RASGRF1: variants seen among roughly 807,000 people sequenced by gnomAD.
The protein encoded by RASGRF1 is ras-specific guanine nucleotide-releasing factor 1.
In RASGRF1, 40 loss-of-function variants were observed where a neutral mutation model predicts 138.7. The observed-to-expected ratio is 0.29, with a 90% CI of 0.22 to 0.38. The LOEUF (loss-of-function observed/expected upper bound fraction) is 0.38. RASGRF1 is among the 10% of genes least tolerant of loss of function. The pLI, the probability that RASGRF1 is intolerant of heterozygous loss-of-function variation, is 1.00. For missense variants in RASGRF1, 1,108 were observed against 1,650.4 expected, an observed-to-expected ratio of 0.67 and a Z score of 5.69; for synonymous variants, 614 against 663.2, an observed-to-expected ratio of 0.93 and a Z score of 1.14.
rs538835060 is a variant in RASGRF1 at position 78,995,923 on chromosome 15, G to A, written c.2967-123C>T. On this transcript the variant is annotated intron_variant, in intron 19 of 26. Transcript: ENST00000558480. ...TCTGTCCTCGTCATCCCCATTGCCA[G>A]GAGCACCCTTTCCCCTTCCTCCTTC... is the stretch of plus-strand genomic sequence containing the variant. 5 of 885,524 alleles carry A rather than the reference G, an allele frequency of 5.6e-6. No individual in the cohort carries two copies. In the East Asian group the frequency reaches 7.7e-5, roughly 14 times the overall value. The allele number at this position is 885,524 out of a possible 1,614,324, so 54.9% of individuals were successfully genotyped here. A position where few individuals can be genotyped will look rare whatever the true frequency, so the allele number is the denominator to read the frequency against.
At chr15:78,986,539 G>T (rs1483012874) in intron 22 of RASGRF1, among the ~76,000 whole-genome samples, 3 of 151,962 alleles carry the variant, frequency 2.0e-5, no homozygotes, top group Non-Finnish European at 4.4e-5. Flanking sequence ...TAGAGATGGG[G>T]TTTTACCATG....
At chr15:79,049,640 C>A in intron 3 of RASGRF1, 52 bp from the exon 4 acceptor site, 2 of 1,528,632 alleles carry the variant, frequency 1.3e-6, no homozygotes, top group Non-Finnish European at 1.8e-6. Context: ...CACAGAGGCC[C>A]CAGGTCTTTG....
intron 1 of RASGRF1, among the ~76,000 whole-genome samples, chr15:79,082,855 T>C (rs2057931323): frequency 6.6e-6 from 1 of 152,154 alleles, no homozygotes; most frequent in Non-Finnish European, 1.5e-5. Context: ...GGGCTCAGTG[T>C]TGGCTTGCTT....
At chr15:79,078,147 G>GTGTGTGTGTGTGTGCATGTGTC (rs149304846) in intron 1 of RASGRF1, among the ~76,000 whole-genome samples, 106 of 149,960 alleles carry the variant, frequency 7.1e-4, no homozygotes, top group South Asian at 5.3e-3. Context: ...GTGTGTGTGT[G>GTGTGTGTGTGTGTGCATGTGTC]TGTGTGCATG....
At chr15:79,044,175 C>T (rs573659182) in intron 5 of RASGRF1, among the ~76,000 whole-genome samples, 3 of 152,360 alleles carry the variant, frequency 2.0e-5, no homozygotes, top group Admixed American at 2.0e-4. Context: ...TTTCCTGCGA[C>T]AGACCTGACC....
chr15:79,072,498 A>G (rs1203885608), intron 1 of RASGRF1, among the ~76,000 whole-genome samples: 1 of 149,758 alleles, frequency 6.7e-6, no homozygotes, highest in Non-Finnish European at 1.5e-5. Flanking sequence ...GATGGTCTTG[A>G]TCTCCTGACC....
intron 3 of RASGRF1, among the ~76,000 whole-genome samples, chr15:79,054,570 G>A (rs1227224945): frequency 6.6e-6 from 1 of 152,204 alleles, no homozygotes; most frequent in African/African-American, 2.4e-5. Flanking sequence ...TGAGCAGTGT[G>A]CCATGTGCCT....
intron 5 of RASGRF1, 82 bp from the exon 6 acceptor site, chr15:79,035,292 G>T: frequency 9.0e-7 from 1 of 1,110,734 alleles, no homozygotes; most frequent in Non-Finnish European, 1.3e-6. Flanking sequence ...CCTCCTGCGT[G>T]ACTTCAGCAG....
intron 23 of RASGRF1, among the ~76,000 whole-genome samples, chr15:78,983,038 G>T (rs1440783073): frequency 2.6e-5 from 4 of 152,220 alleles, no homozygotes; most frequent in Non-Finnish European, 5.9e-5. Flanking sequence ...ACATTTAAGT[G>T]AGCAGTAAAA....
chr15:78,976,410 AT>A (rs2055871661), intron 24 of RASGRF1, among the ~76,000 whole-genome samples: 1 of 152,212 alleles, frequency 6.6e-6, no homozygotes, highest in East Asian at 1.9e-4. Flanking sequence ...TCACAAAAAA[AT>A]CTCTTAATGT....
At chr15:79,028,873 C>T (rs896210393) in intron 8 of RASGRF1, among the ~76,000 whole-genome samples, 8 of 152,216 alleles carry the variant, frequency 5.3e-5, no homozygotes, top group Non-Finnish European at 1.0e-4. Flanking sequence ...CTGCCTCTTC[C>T]GGAGCTGGAT....
At chr15:79,041,727 G>T (rs1484264456) in intron 5 of RASGRF1, among the ~76,000 whole-genome samples, 1 of 152,198 alleles carries the variant, frequency 6.6e-6, no homozygotes, top group Non-Finnish European at 1.5e-5. Context: ...AAGGCAGATA[G>T]GACTGGGCAG....
At chr15:79,081,462 C>T (rs1200403548) in intron 1 of RASGRF1, among the ~76,000 whole-genome samples, 1 of 152,230 alleles carries the variant, frequency 6.6e-6, no homozygotes, top group Non-Finnish European at 1.5e-5. Context: ...ATCGGAGCAG[C>T]CCCTTTCCCA....
In RASGRF1 at chr15:79,090,701, C is replaced by T. The variant is rs1470190351; in HGVS notation, c.-203G>A. On this transcript the variant is annotated 5_prime_UTR_variant, in exon 1 of 27. Coordinates refer to ENST00000558480, the MANE Select transcript of RASGRF1 (RefSeq NM_001145648.3). ...CCAGATATACCATTCCCCGCTGGAA[C>T]CTCTTCTCCGCTCCGCAGAGCCCCA... 5 of 694,086 alleles carry T rather than the reference C, an allele frequency of 7.2e-6. No individual in the cohort carries two copies. The highest frequency in any genetic ancestry group is 1.8e-5 in the African/African-American group (1 of 55,348). The allele number at this position is 694,086 out of a possible 1,614,324, so 43.0% of individuals were successfully genotyped here.
At chr15:79,023,923 A>G (rs2140985969) in intron 10 of RASGRF1, among the ~76,000 whole-genome samples, 1 of 152,138 alleles carries the variant, frequency 6.6e-6, no homozygotes, top group African/African-American at 2.4e-5. Context: ...ACACAGACAC[A>G]GACACACACA....
At chr15:78,989,117 A>T (rs2056219274) in intron 22 of RASGRF1, among the ~76,000 whole-genome samples, 1 of 152,124 alleles carries the variant, frequency 6.6e-6, no homozygotes, top group Non-Finnish European at 1.5e-5. Context: ...CTCCCTGTGG[A>T]TGTGAATTGT....
chr15:78,999,827 A>G lies in RASGRF1; in HGVS notation c.2662T>C (p.Ser888Pro). 6.2e-7 allele frequency: 1 copy of G among 1,614,190 alleles called. No individual in the cohort carries two copies. Among genetic ancestry groups the G allele is most frequent in the Non-Finnish European group, 8.5e-7 (1 of 1,180,010 alleles). ...DNNRSALSAA[S>P]AFAIATAGAN... is the part of the protein sequence containing the mutation. ...CCGGCGGTTGCTATGGCAAAGGCAG[A>G]GGCGGCCGACAAGGCACTGCGGTTA... Residue 888 changes from serine (S) to proline (P), a missense_variant, in exon 17 of 27, where the codon TCT becomes CCT. Physicochemically the swap from Ser to Pro is moderately conservative, Grantham distance 74. Coordinates refer to ENST00000558480, the MANE Select transcript of RASGRF1 (RefSeq NM_001145648.3).
At chr15:78,994,681 C>A (rs1266559115) in intron 20 of RASGRF1, among the ~76,000 whole-genome samples, 1 of 152,182 alleles carries the variant, frequency 6.6e-6, no homozygotes, top group Non-Finnish European at 1.5e-5. Context: ...TTCCCTTATT[C>A]CGTCTGGAAT....
chr15:78,984,058 T>A (rs2056095433), intron 23 of RASGRF1, among the ~76,000 whole-genome samples: 1 of 152,136 alleles, frequency 6.6e-6, no homozygotes, highest in East Asian at 1.9e-4. Context: ...GTGGGTGGAA[T>A]CATGACCTGC....
Sources: allele counts gnomAD v4.1 joint callset (sites outside exome capture counted in the v4.1 genomes callset), GRCh38; gene constraint gnomAD v4.1.1; transcripts MANE v1.5; gene names NCBI Gene and HGNC (gene_info 2026-07-23, HGNC 2026-07-21).